NDUFAF2: variants seen among roughly 807,000 people sequenced by gnomAD.
NDUFAF2 encodes the protein NADH:ubiquinone oxidoreductase complex assembly factor 2.
Under a neutral mutation model 22.8 loss-of-function variants are expected in NDUFAF2, and 13 were observed. That is an observed-to-expected ratio of 0.57 (90% confidence interval 0.37 to 0.91). The LOEUF is 0.91. Among genes scored for constraint, NDUFAF2 ranks in the 40% least tolerant of loss-of-function variants. NDUFAF2 has a pLI of 0.01. For missense variants in NDUFAF2, 162 were observed against 195.2 expected (o/e 0.83, Z 1.01); for synonymous variants, 53 against 64.2 (o/e 0.83, Z 0.84).
intron 3 of NDUFAF2, among the ~76,000 whole-genome samples, chr5:61,104,029 T>G (rs1752732729): frequency 1.3e-5 from 2 of 152,146 alleles, no homozygotes; most frequent in African/African-American, 2.4e-5. Context: ...TGAGCATGTT[T>G]AAGACAGGTT....
chr5:61,136,287 G>A (rs1234871836), intron 3 of NDUFAF2, among the ~76,000 whole-genome samples: 1 of 151,810 alleles, frequency 6.6e-6, no homozygotes, highest in Non-Finnish European at 1.5e-5. Flanking sequence ...CTCTTGAACT[G>A]GAAAGTCTGT....
intron 2 of NDUFAF2, among the ~76,000 whole-genome samples, chr5:61,080,353 A>T (rs1752426969): frequency 6.6e-6 from 1 of 152,236 alleles, no homozygotes; most frequent in Admixed American, 6.5e-5. Flanking sequence ...TTTTATAAAA[A>T]ACTGCCAAGA....
chr5:61,110,356 G>T (rs748925740), intron 3 of NDUFAF2, among the ~76,000 whole-genome samples: 6 of 151,442 alleles, frequency 4.0e-5, no homozygotes, highest in Non-Finnish European at 7.4e-5. Context: ...GAGTGAGTTT[G>T]GAAGTATTCC....
At chr5:60,971,634 C>T (rs1750832696) in intron 1 of NDUFAF2, among the ~76,000 whole-genome samples, 1 of 149,314 alleles carries the variant, frequency 6.7e-6, no homozygotes, top group Admixed American at 6.7e-5. Context: ...CATGACAGGC[C>T]CCGGTGTGTG....
At chr5:60,980,823 G>A (rs1750966961) in intron 1 of NDUFAF2, among the ~76,000 whole-genome samples, 1 of 151,964 alleles carries the variant, frequency 6.6e-6, no homozygotes, top group African/African-American at 2.4e-5. Flanking sequence ...TCTATTAACA[G>A]CAAAAATGAT....
intron 1 of NDUFAF2, among the ~76,000 whole-genome samples, chr5:61,001,706 A>G (rs1377575223): frequency 6.6e-6 from 1 of 152,120 alleles, no homozygotes; most frequent in Non-Finnish European, 1.5e-5. Flanking sequence ...AAATATTTTT[A>G]TATTGAAGAC....
chr5:61,113,524 G>C (rs377301146), intron 3 of NDUFAF2, among the ~76,000 whole-genome samples: 72 of 152,240 alleles, frequency 4.7e-4, no homozygotes, highest in African/African-American at 1.7e-3. Flanking sequence ...CCCAGTGGGA[G>C]GTAATTGCAT....
At chr5:60,988,847 C>T (rs1751119004) in intron 1 of NDUFAF2, among the ~76,000 whole-genome samples, 1 of 152,102 alleles carries the variant, frequency 6.6e-6, no homozygotes. Context: ...TAGGCAATAC[C>T]ATTCTGGACA....
intron 1 of NDUFAF2, 138 bp from the exon 2 acceptor site, chr5:61,072,987 A>G: frequency 1.6e-6 from 1 of 629,610 alleles, no homozygotes; most frequent in Non-Finnish European, 2.8e-6. Context: ...ACCTAATTCA[A>G]AATGGAAATC....
intron 3 of NDUFAF2, among the ~76,000 whole-genome samples, chr5:61,120,465 AGT>A (rs1487793570): frequency 4.6e-5 from 7 of 152,114 alleles, no homozygotes; most frequent in Non-Finnish European, 7.4e-5. Context: ...CACCTTTCTC[AGT>A]CTAAAAGGAC....
chr5:60,987,144 A>C (rs1261462175), intron 1 of NDUFAF2, among the ~76,000 whole-genome samples: 3 of 152,198 alleles, frequency 2.0e-5, no homozygotes, highest in Non-Finnish European at 4.4e-5. Context: ...GACTACTATG[A>C]GTACCTCTAT....
At chr5:61,109,015 A>T (rs1334520267) in intron 3 of NDUFAF2, among the ~76,000 whole-genome samples, 1 of 151,958 alleles carries the variant, frequency 6.6e-6, no homozygotes, top group Non-Finnish European at 1.5e-5. Flanking sequence ...TTTTGATAGG[A>T]TTTGCATTGA....
At chr5:61,117,680 TAA>T (rs76823566) in intron 3 of NDUFAF2, among the ~76,000 whole-genome samples, 1 of 150,902 alleles carries the variant, frequency 6.6e-6, no homozygotes, top group Non-Finnish European at 1.5e-5. Flanking sequence ...GACTTTTTTT[TAA>T]AAAAAAAAGA....
chr5:61,079,662 A>T (rs1410730260), intron 2 of NDUFAF2, among the ~76,000 whole-genome samples: 2 of 152,212 alleles, frequency 1.3e-5, no homozygotes, highest in African/African-American at 4.8e-5. Context: ...TTTCACCATT[A>T]AATATGTTGT....
At chr5:61,112,237 C>CA (rs1244741279) in intron 3 of NDUFAF2, among the ~76,000 whole-genome samples, 3 of 126,702 alleles carry the variant, frequency 2.4e-5, no homozygotes, top group African/African-American at 8.8e-5. Flanking sequence ...TTTTTTGAGA[C>CA]AGAGTCTCTC....
chr5:61,034,879 C>A (rs1010145967), intron 1 of NDUFAF2, among the ~76,000 whole-genome samples: 1 of 147,278 alleles, frequency 6.8e-6, no homozygotes, highest in South Asian at 2.2e-4. Flanking sequence ...TGTATGTGTA[C>A]ATATTTGGGT....
At chr5:61,100,916 C>T (rs186107) in intron 3 of NDUFAF2, among the ~76,000 whole-genome samples, 8 of 152,036 alleles carry the variant, frequency 5.3e-5, no homozygotes, top group Admixed American at 1.3e-4. Flanking sequence ...TACTGATGGT[C>T]GAGATTAGAA....
chr5:60,969,210 G>T (rs892386914), intron 1 of NDUFAF2, among the ~76,000 whole-genome samples: 2 of 152,008 alleles, frequency 1.3e-5, no homozygotes, highest in Non-Finnish European at 2.9e-5. Flanking sequence ...CTGTTTTCCT[G>T]TCTTTTGGGT....
At position 61,114,059 on chromosome 5, in the gene NDUFAF2, T is replaced by A. The variant is rs550229412; in HGVS notation, c.258+15027T>A. On this transcript the variant is annotated intron_variant, in intron 3 of 3. Transcript: ENST00000296597. ...TCTATAACCTTTTTATACTTGAATA[T>A]TGATATCTTTCTTTGGGCTTGGGAA... 2.0e-5 allele frequency among the ~76,000 whole-genome samples: 3 copies of A among 152,328 alleles called. No homozygotes were observed. The East Asian group carries it at 5.8e-4, about 29-fold the overall frequency.
Sources: allele counts gnomAD v4.1 joint callset (sites outside exome capture counted in the v4.1 genomes callset), GRCh38; gene constraint gnomAD v4.1.1; transcripts MANE v1.5; gene names NCBI Gene and HGNC (gene_info 2026-07-23, HGNC 2026-07-21).